The following TRIM61 variants were observed in gnomAD, a reference collection of about 807,000 sequenced individuals.
The protein encoded by TRIM61 is tripartite motif containing 61.
TRIM61 carries 1 observed loss-of-function variant against 14.2 expected under a neutral mutation model. That is an observed-to-expected ratio of 0.07 (90% confidence interval 0.03 to 0.33). TRIM61 has a LOEUF of 0.33. Ranked by LOEUF, TRIM61 falls within the 10% of genes least tolerant of loss-of-function variation. TRIM61 has a pLI of 0.99. For missense variants in TRIM61, 19 were observed against 202.2 expected (o/e 0.09, Z 5.49); for synonymous variants, 8 against 71.6 (o/e 0.11, Z 4.49).
At chr4:164,968,302 T>A (rs1350275200) in intron 3 of TRIM61, 3 of 961,976 alleles carry the variant, frequency 3.1e-6, no homozygotes, top group Non-Finnish European at 3.7e-6. Context: ...ATTACTGGGC[T>A]TTTATTGGCA....
intron 3 of TRIM61, chr4:164,959,124 T>G (rs998399269): frequency 2.4e-4 from 40 of 167,124 alleles, no homozygotes; most frequent in Admixed American, 1.2e-3. Context: ...GATTTCTTAC[T>G]TGCTGCATTT....
intron 3 of TRIM61, among the ~76,000 whole-genome samples, chr4:164,966,942 AT>A (rs572669225): frequency 1.7e-3 from 256 of 152,200 alleles, no homozygotes; most frequent in African/African-American, 6.0e-3. Context: ...TAAAAAAAAA[AT>A]AAAAAGAGAA....
Position 164,961,842 on chromosome 4 carries a change from G to A in TRIM61, c.526-6746C>T, listed in dbSNP as rs560372954. 2.6e-5 allele frequency among the ~76,000 whole-genome samples: 4 copies of A among 152,296 alleles called. No individual in the cohort carries two copies. In the South Asian group the frequency reaches 8.3e-4, roughly 32 times the overall value. ...TGCATACGTTAACTATAGGAATATG[G>A]TCTGAGAAGTACATCATAGGATGAT... On this transcript the variant is annotated intron_variant, in intron 3 of 4. Coordinates refer to ENST00000329314, the MANE Select transcript of TRIM61 (RefSeq NM_001012414.3).
At chr4:164,964,012 GA>G (rs1324935810) in intron 3 of TRIM61, among the ~76,000 whole-genome samples, 1 of 151,742 alleles carries the variant, frequency 6.6e-6, no homozygotes, top group African/African-American at 2.4e-5. Flanking sequence ...TAATATATTA[GA>G]AAAAAATCTA....
intron 3 of TRIM61, chr4:164,968,542 CTCAGT>C: frequency 1.0e-6 from 1 of 985,758 alleles, no homozygotes; most frequent in Non-Finnish European, 1.2e-6. Context: ...GATTCACTGG[CTCAGT>C]TATGTCTACT....
At chr4:164,958,570 T>C (rs1732065995) in intron 3 of TRIM61, 1 of 167,054 alleles carries the variant, frequency 6.0e-6, no homozygotes, top group South Asian at 2.1e-4. Flanking sequence ...AGTTTTTTTC[T>C]TTCATTATTT....
chr4:164,959,611 A>C (rs1283199433), intron 3 of TRIM61, among the ~76,000 whole-genome samples: 2 of 152,222 alleles, frequency 1.3e-5, no homozygotes, highest in African/African-American at 4.8e-5. Context: ...CCCATGACTC[A>C]TGCTCAATCA....
intron 3 of TRIM61, among the ~76,000 whole-genome samples, chr4:164,965,196 G>A (rs1732210353): frequency 6.6e-6 from 1 of 152,128 alleles, no homozygotes; most frequent in Non-Finnish European, 1.5e-5. Context: ...GCTAAGGCGT[G>A]AGAGTCGCTT....
intron 3 of TRIM61, among the ~76,000 whole-genome samples, chr4:164,956,343 G>A (rs925828809): frequency 3.3e-5 from 5 of 152,174 alleles, no homozygotes; most frequent in Admixed American, 6.5e-5. Flanking sequence ...TGGGATTACA[G>A]GCATGAGCTT....
chr4:164,956,942 C>T, intron 3 of TRIM61: 2 of 1,356,514 alleles, frequency 1.5e-6, no homozygotes, highest in South Asian at 1.5e-5. Flanking sequence ...CCGGCACCGT[C>T]TCTGGGCTTC....
At chr4:164,956,848 A>AC in intron 3 of TRIM61, 1 of 642,216 alleles carries the variant, frequency 1.6e-6, no homozygotes, top group Non-Finnish European at 2.6e-6. Flanking sequence ...GGGCTTCAGC[A>AC]CCCCAAGCAC....
intron 3 of TRIM61, chr4:164,957,181 C>T (rs757534594): frequency 6.2e-7 from 1 of 1,613,162 alleles, no homozygotes; most frequent in Non-Finnish European, 8.5e-7. Context: ...CCGGCGGCCG[C>T]CATGGCAGTG....
chr4:164,976,159 C>T (rs969750548), intron 2 of TRIM61, among the ~76,000 whole-genome samples: 1 of 152,162 alleles, frequency 6.6e-6, no homozygotes, highest in Non-Finnish European at 1.5e-5. Context: ...TAACCCTGCT[C>T]TCCTACTACA....
At chr4:164,958,063 CA>C (rs201464823) in intron 3 of TRIM61, 4,281 of 167,010 alleles carry the variant, frequency 0.026, 80 homozygotes, top group Non-Finnish European at 0.027. Flanking sequence ...AAAGACACCA[CA>C]AAAACTCATG....
intron 4 of TRIM61, chr4:164,954,946 C>T: frequency 6.2e-6 from 2 of 323,950 alleles, no homozygotes; most frequent in Non-Finnish European, 1.2e-5. Context: ...ACTAGAAATA[C>T]AGAAGTTAGC....
At chr4:164,968,483 T>C (rs1451872524) in intron 3 of TRIM61, 10 of 978,946 alleles carry the variant, frequency 1.0e-5, no homozygotes, top group Non-Finnish European at 1.2e-5. Context: ...TAAAAAAATA[T>C]TGCTTTCTTA....
intron 3 of TRIM61, chr4:164,968,950 G>T (rs566377858): frequency 7.0e-6 from 7 of 1,004,800 alleles, no homozygotes; most frequent in Non-Finnish European, 8.3e-6. Context: ...CTACTTCCCA[G>T]TACTGCCTGC....
chr4:164,974,100 G>T (rs994687417), intron 2 of TRIM61, among the ~76,000 whole-genome samples: 7 of 152,248 alleles, frequency 4.6e-5, no homozygotes, highest in Non-Finnish European at 8.8e-5. Context: ...AACCCTGGAG[G>T]CAGAGGTTGC....
intron 2 of TRIM61, among the ~76,000 whole-genome samples, chr4:164,973,617 T>C (rs918113039): frequency 6.6e-6 from 1 of 152,220 alleles, no homozygotes; most frequent in African/African-American, 2.4e-5. Context: ...TTAATTTCTC[T>C]GAGTTTCACT....
Sources: gnomAD v4.1 joint callset for allele counts (sites outside exome capture counted in the v4.1 genomes callset) on GRCh38, gnomAD v4.1.1 for gene constraint, MANE v1.5 for transcripts, NCBI Gene and HGNC (gene_info 2026-07-23, HGNC 2026-07-21) for gene names.